The following SLC2A9 variants were observed in gnomAD, a reference collection of about 807,000 sequenced individuals.
The protein encoded by SLC2A9 is solute carrier family 2, facilitated glucose transporter member 9.
In SLC2A9, 39 loss-of-function variants were observed where a neutral mutation model predicts 50.6. That is an observed-to-expected ratio of 0.77 (90% CI 0.60 to 1.01). SLC2A9 has a LOEUF of 1.01. Ranked by LOEUF, SLC2A9 falls within the 50% of genes least tolerant of loss-of-function variation. SLC2A9 has a pLI of 0.00. For synonymous variants in SLC2A9, 324 were observed against 276.9 expected, an observed-to-expected ratio of 1.17 and a Z score of -1.69; for missense variants, 686 against 677.6, an observed-to-expected ratio of 1.01 and a Z score of -0.14.
downstream of SLC2A9, among the ~76,000 whole-genome samples, chr4:9,776,637 C>G (rs1224407498): frequency 2.0e-5 from 3 of 152,074 alleles, no homozygotes; most frequent in Non-Finnish European, 4.4e-5. Context: ...GCCTTGAAAC[C>G]TGTGTCTTTG....
chr4:9,772,589 G>A (rs1716966861), intron 1 of SLC2A9, among the ~76,000 whole-genome samples: 1 of 152,338 alleles, frequency 6.6e-6, no homozygotes, highest in Admixed American at 6.5e-5. Flanking sequence ...ACACACAGAA[G>A]CAAACAGAGC....
intron 10 of SLC2A9, among the ~76,000 whole-genome samples, chr4:9,843,938 T>C (rs1728500536): frequency 6.6e-6 from 1 of 152,016 alleles, no homozygotes; most frequent in South Asian, 2.1e-4. Context: ...CCTTCCCCAA[T>C]AACATATAGT....
At chr4:9,902,931 T>C (rs569645122) in intron 8 of SLC2A9, among the ~76,000 whole-genome samples, 3 of 152,330 alleles carry the variant, frequency 2.0e-5, no homozygotes, top group Admixed American at 6.5e-5. Flanking sequence ...ATGTTCTCTA[T>C]GCCAAGCACT....
At chr4:10,015,841 C>T (rs1036121666) in intron 2 of SLC2A9, among the ~76,000 whole-genome samples, 2 of 152,202 alleles carry the variant, frequency 1.3e-5, no homozygotes, top group African/African-American at 2.4e-5. Flanking sequence ...AAGACACTGA[C>T]GTCTCTGTAT....
chr4:9,888,947 G>A (rs2109760750), intron 9 of SLC2A9, among the ~76,000 whole-genome samples: 1 of 152,250 alleles, frequency 6.6e-6, no homozygotes, highest in East Asian at 1.9e-4. Context: ...ATTGATCCGA[G>A]CTGCCCCTGG....
chr4:9,910,817 A>T (rs928483729), intron 7 of SLC2A9, among the ~76,000 whole-genome samples: 8 of 152,316 alleles, frequency 5.3e-5, no homozygotes, highest in African/African-American at 1.7e-4. Context: ...TAAAATTCTA[A>T]GTTCAGTGAG....
At chr4:9,937,285 C>G (rs762662237) in intron 6 of SLC2A9, among the ~76,000 whole-genome samples, 1 of 152,088 alleles carries the variant, frequency 6.6e-6, no homozygotes, top group African/African-American at 2.4e-5. Flanking sequence ...GGGTGGTTTC[C>G]GAGCTGTGTT....
chr4:9,804,405 G>C (rs188762603), intron 3 of SLC2A9, among the ~76,000 whole-genome samples: 6 of 152,048 alleles, frequency 3.9e-5, no homozygotes, highest in Admixed American at 3.9e-4. Context: ...TTTGACTTTT[G>C]TTCCTCACTT....
At chr4:9,984,622 A>T (rs143506408) in intron 4 of SLC2A9, among the ~76,000 whole-genome samples, 2 of 152,360 alleles carry the variant, frequency 1.3e-5, no homozygotes, top group East Asian at 3.9e-4. Flanking sequence ...CAAATGCCTA[A>T]AAGTGATACT....
At chr4:9,781,415 C>T (rs1718343597) in intron 3 of SLC2A9, among the ~76,000 whole-genome samples, 1 of 152,240 alleles carries the variant, frequency 6.6e-6, no homozygotes, top group Admixed American at 6.5e-5. Context: ...AGGGATGCGC[C>T]AAGCACCCTT....
rs1464659280 is a variant in SLC2A9, at chr4:9,789,082, T to C, written n.386-9017A>G. 3.3e-5 allele frequency among the ~76,000 whole-genome samples: 5 copies of C among 152,364 alleles called. No individual in the cohort carries two copies. In the East Asian group the frequency reaches 7.7e-4, roughly 24 times the overall value. ...ATATCAGTGAGCATCTCTATTTCTA[T>C]GCCTATTTATGTAGATATATCAAAT... On this transcript the variant is annotated intron_variant and non_coding_transcript_variant, in intron 3 of 3. Transcript: ENST00000503803.
chr4:9,818,011 T>A (rs1723860325), intron 3 of SLC2A9, among the ~76,000 whole-genome samples: 3 of 152,208 alleles, frequency 2.0e-5, no homozygotes, highest in Admixed American at 1.3e-4. Context: ...CAGTGCTACA[T>A]TACTTATAGT....
chr4:10,036,629 C>T (rs936305682), intron 1 of SLC2A9, among the ~76,000 whole-genome samples: 5 of 152,152 alleles, frequency 3.3e-5, no homozygotes, highest in Admixed American at 6.5e-5. Flanking sequence ...ATCTTTTACT[C>T]GGCCATATTT....
intron 7 of SLC2A9, among the ~76,000 whole-genome samples, chr4:9,919,196 C>A (rs1180324339): frequency 6.6e-6 from 1 of 152,124 alleles, no homozygotes; most frequent in Non-Finnish European, 1.5e-5. Flanking sequence ...TCTGGCAAAA[C>A]CTCGGTCTCG....
At chr4:9,972,291 C>G (rs547385408) in intron 5 of SLC2A9, among the ~76,000 whole-genome samples, 1 of 152,154 alleles carries the variant, frequency 6.6e-6, no homozygotes, top group African/African-American at 2.4e-5. Flanking sequence ...CATTCCTAAT[C>G]TCTCTTCTCA....
In SLC2A9 at chr4:9,887,626, AC is replaced by A; in HGVS notation, c.1231del (p.Val411SerfsTer4). ...AATGCCCACGATACTCAGGTAGGGG[AC>A]CCAGGGGGCGTGGTCCTGGGAGAGA... The part of the protein sequence containing the change: ...TLTLQDHAPW[V>X]PYLSIVGILA... On this transcript the variant is annotated frameshift_variant, in exon 10 of 12. Coordinates refer to ENST00000264784, the MANE Select transcript of SLC2A9 (RefSeq NM_020041.3). LOFTEE classifies it high-confidence loss of function. 6.4e-7 allele frequency: 1 copy of A among 1,555,626 alleles called. No individual in the cohort carries two copies. The highest frequency in any genetic ancestry group is 8.7e-7 in the Non-Finnish European group (1 of 1,149,064).
chr4:9,839,047 A>G (rs911039972), intron 10 of SLC2A9, among the ~76,000 whole-genome samples: 2 of 152,244 alleles, frequency 1.3e-5, no homozygotes, highest in African/African-American at 4.8e-5. Context: ...AAAAGAAACT[A>G]TCAACAGAGT....
chr4:10,000,563 G>A (rs1445925128), intron 2 of SLC2A9, among the ~76,000 whole-genome samples: 1 of 152,166 alleles, frequency 6.6e-6, no homozygotes, highest in Non-Finnish European at 1.5e-5. Context: ...CTCATCCTAA[G>A]ACAGCATGCA....
At chr4:9,781,918 G>A (rs1718451226) in intron 3 of SLC2A9, 2 of 971,656 alleles carry the variant, frequency 2.1e-6, no homozygotes, top group Admixed American at 3.5e-5. Flanking sequence ...TCTGGGGCTC[G>A]AGGGTCCCTT....
Sources: allele counts gnomAD v4.1 joint callset (sites outside exome capture counted in the v4.1 genomes callset), GRCh38; gene constraint gnomAD v4.1.1; transcripts MANE v1.5; gene names NCBI Gene and HGNC (gene_info 2026-07-23, HGNC 2026-07-21).